Variants in RELN observed in about 807,000 individuals in gnomAD.
RELN encodes the protein reelin.
In RELN, 108 loss-of-function variants were observed where a neutral mutation model predicts 427.6. The ratio of observed to expected loss-of-function variants is 0.25; its 90% confidence interval spans 0.22 to 0.30. The LOEUF (loss-of-function observed/expected upper bound fraction) is 0.30. Ranked by LOEUF, RELN falls within the 10% of genes least tolerant of loss-of-function variation. RELN has a pLI of 1.00. For missense variants in RELN, 3,715 were observed against 4,302.8 expected, an observed-to-expected ratio of 0.86 and a Z score of 3.82; for synonymous variants, 1,524 against 1,513.4, an observed-to-expected ratio of 1.01 and a Z score of -0.16.
At chr7:103,592,133 C>T (rs1033878432) in intron 27 of RELN, among the ~76,000 whole-genome samples, 4 of 152,050 alleles carry the variant, frequency 2.6e-5, no homozygotes, top group Non-Finnish European at 5.9e-5. Context: ...ATCACTTTGT[C>T]ACCCAGGTAA....
intron 6 of RELN, among the ~76,000 whole-genome samples, chr7:103,733,490 T>C (rs12705151): frequency 0.44 from 51,909 of 116,932 alleles, 12,196 homozygotes; most frequent in Middle Eastern, 0.51. Flanking sequence ...CACATGCACA[T>C]GTATGTTTAT....
chr7:103,975,222 T>A (rs951127465), intron 1 of RELN, among the ~76,000 whole-genome samples: 4 of 152,210 alleles, frequency 2.6e-5, no homozygotes, highest in African/African-American at 9.6e-5. Flanking sequence ...AGACAACAAT[T>A]TTAACTATAT....
At chr7:103,535,259 CA>C in intron 46 of RELN, 56 bp downstream of exon 46, 1 of 1,498,716 alleles carries the variant, frequency 6.7e-7, no homozygotes, top group Non-Finnish European at 9.3e-7. Context: ...CAAATGTTAT[CA>C]CATTTGGGCT....
intron 6 of RELN, among the ~76,000 whole-genome samples, chr7:103,745,446 T>C (rs1192995959): frequency 5.4e-5 from 8 of 148,138 alleles, no homozygotes; most frequent in Non-Finnish European, 1.0e-4. Context: ...AAATAAAGGG[T>C]ATTCAATTAG....
At chr7:103,514,294 T>C (rs1829503536) in intron 50 of RELN, among the ~76,000 whole-genome samples, 1 of 152,200 alleles carries the variant, frequency 6.6e-6, no homozygotes, top group Non-Finnish European at 1.5e-5. Flanking sequence ...AGATACATAC[T>C]TAATATAAGA....
At chr7:103,915,215 T>TA (rs1310057332) in intron 2 of RELN, among the ~76,000 whole-genome samples, 1 of 152,076 alleles carries the variant, frequency 6.6e-6, no homozygotes, top group Non-Finnish European at 1.5e-5. Flanking sequence ...CTTTAGTTAA[T>TA]AATCTCTACT....
intron 49 of RELN, among the ~76,000 whole-genome samples, chr7:103,517,510 T>G (rs1277643607): frequency 6.6e-6 from 1 of 152,224 alleles, no homozygotes; most frequent in African/African-American, 2.4e-5. Flanking sequence ...TAGACAGTTA[T>G]GCTTTTACCC....
chr7:103,938,746 A>C (rs1470888840), intron 1 of RELN, among the ~76,000 whole-genome samples: 1 of 152,200 alleles, frequency 6.6e-6, no homozygotes, highest in Non-Finnish European at 1.5e-5. Flanking sequence ...GTGAGGAAAC[A>C]ATGTGTCAAT....
intron 27 of RELN, among the ~76,000 whole-genome samples, chr7:103,593,340 A>G (rs362633): frequency 0.56 from 84,381 of 151,958 alleles, 23,728 homozygotes; most frequent in African/African-American, 0.62. Context: ...CACTAGCAAG[A>G]TGAAAAGGAC....
At chr7:103,807,433 T>C (rs1784023381) in intron 3 of RELN, among the ~76,000 whole-genome samples, 1 of 152,134 alleles carries the variant, frequency 6.6e-6, no homozygotes. Context: ...TGAAAGTCCA[T>C]TCGTGAAGCT....
chr7:103,537,664 G>A (rs1362826972), intron 45 of RELN, among the ~76,000 whole-genome samples: 1 of 152,158 alleles, frequency 6.6e-6, no homozygotes, highest in East Asian at 1.9e-4. Context: ...TACTTTCTAT[G>A]TGAAGAAGGG....
intron 61 of RELN, 48 bp from the exon 62 acceptor site, chr7:103,483,898 G>T (rs1279365480): frequency 2.6e-6 from 4 of 1,551,920 alleles, no homozygotes; most frequent in South Asian, 1.1e-5. Context: ...TTTATTTTTT[G>T]AGATGGAGTC....
intron 1 of RELN, among the ~76,000 whole-genome samples, chr7:103,962,670 G>C (rs544594226): frequency 6.6e-6 from 1 of 150,962 alleles, no homozygotes; most frequent in South Asian, 2.1e-4. Flanking sequence ...GTGTGTGTGT[G>C]TGTGTGTAGC....
chr7:103,862,550 C>T (rs1465139131), intron 2 of RELN, among the ~76,000 whole-genome samples: 1 of 151,916 alleles, frequency 6.6e-6, no homozygotes, highest in Non-Finnish European at 1.5e-5. Flanking sequence ...TCTCATGCCT[C>T]TTTATCTTAT....
rs143796018 is a variant in RELN at position 103,730,025 on chromosome 7, A to G, written c.657-1818T>C. ...AGTACAGTGAAGTAGCACAAAATTT[A>G]TAGTAGGCTCCTTACTTTAGTGAGA... On this transcript the variant is annotated intron_variant, in intron 6 of 64. Transcript: ENST00000428762. Among the ~76,000 whole-genome samples, 865 of 152,238 alleles carry G rather than the reference A, an allele frequency of 5.7e-3. 6 individuals are homozygous for G. Among genetic ancestry groups the G allele is most frequent in the African/African-American group, 0.019 (805 of 41,560 alleles).
intron 3 of RELN, among the ~76,000 whole-genome samples, chr7:103,798,881 G>A (rs777038565): frequency 6.6e-6 from 1 of 152,098 alleles, no homozygotes. Flanking sequence ...CCTTCCTCCC[G>A]CTTCTGTGTT....
intron 2 of RELN, among the ~76,000 whole-genome samples, chr7:103,865,132 C>CA (rs386410871): frequency 0.13 from 8,386 of 66,848 alleles, 553 homozygotes; most frequent in Non-Finnish European, 0.14. Flanking sequence ...GAAACTGTCT[C>CA]AAAAAAAAAA....
chr7:103,595,343 C>A (rs908526849), intron 25 of RELN, among the ~76,000 whole-genome samples: 11 of 152,142 alleles, frequency 7.2e-5, no homozygotes, highest in Non-Finnish European at 1.5e-4. Flanking sequence ...CATCTCCCAC[C>A]CTTTTCCTAT....
At chr7:103,956,313 T>C (rs902944212) in intron 1 of RELN, among the ~76,000 whole-genome samples, 11 of 152,318 alleles carry the variant, frequency 7.2e-5, no homozygotes, top group African/African-American at 2.6e-4. Flanking sequence ...TCCTGAAAGA[T>C]GTGCAAACAC....
Sources: allele counts gnomAD v4.1 joint callset (sites outside exome capture counted in the v4.1 genomes callset), GRCh38; gene constraint gnomAD v4.1.1; transcripts MANE v1.5; gene names NCBI Gene and HGNC (gene_info 2026-07-23, HGNC 2026-07-21).